MCFD2: variants seen among roughly 807,000 people sequenced by gnomAD.
The protein encoded by MCFD2 is multiple coagulation factor deficiency 2, ER cargo receptor complex subunit, also known as multiple coagulation factor deficiency protein 2.
Under a neutral mutation model 12.8 loss-of-function variants are expected in MCFD2, and 11 were observed. The ratio of observed to expected loss-of-function variants is 0.86; its 90% CI spans 0.54 to 1.42. MCFD2 has a LOEUF of 1.42. Among genes scored for constraint, MCFD2 ranks in the 40% most tolerant of loss-of-function variants. The pLI is 0.00. For missense variants in MCFD2, 191 were observed against 178.6 expected, an observed-to-expected ratio of 1.07 and a Z score of -0.40; for synonymous variants, 70 against 68.1, an observed-to-expected ratio of 1.03 and a Z score of -0.14.
At chr2:46,933,645 A>G (rs1028166016) in intron 1 of MCFD2, among the ~76,000 whole-genome samples, 2 of 152,200 alleles carry the variant, frequency 1.3e-5, no homozygotes, top group African/African-American at 4.8e-5. Context: ...GTAATGAGTA[A>G]AAGTTGATTT....
In MCFD2 at chr2:46,904,281, C is replaced by T. The variant is rs1274903930; in HGVS notation, c.*1182G>A. ...GCAGAAGGGAAATGTGGTGTGGGAG[C>T]CCCCACACAGAGTCCCTACTGGGGC... is the stretch of plus-strand genomic sequence containing the variant. On this transcript the variant is annotated 3_prime_UTR_variant, in exon 4 of 4. Transcript: ENST00000319466. 6.6e-6 allele frequency: 1 copy of T among 152,316 alleles called. No individual in the cohort carries two copies. Among genetic ancestry groups the T allele is most frequent in the African/African-American group, 2.4e-5 (1 of 41,446 alleles). The allele number at this position is 152,316 out of a possible 1,614,324, so 9.4% of individuals were successfully genotyped here.
At position 46,902,103 on chromosome 2, in the gene MCFD2, C is replaced by A. The variant is rs1668037097; in HGVS notation, c.*3360G>T. The A allele has an allele frequency of 6.6e-6, 1 of 152,640 alleles. No individual in the cohort carries two copies. Among genetic ancestry groups the A allele is most frequent in the African/African-American group, 2.4e-5 (1 of 41,456 alleles). 9.5% of individuals were successfully genotyped at this position (152,640 alleles called of 1,614,324 possible). A position where few individuals can be genotyped will look rare whatever the true frequency, so the allele number is the denominator to read the frequency against. ...TTGTAGTCTCTTTTTCCCATTCAATCATCGTTTCAGGTTTTCTATTACAGA... is the reference window on the plus strand; with the variant it reads ...TTGTAGTCTCTTTTTCCCATTCAATAATCGTTTCAGGTTTTCTATTACAGA... On this transcript the variant is annotated 3_prime_UTR_variant, in exon 4 of 4. Transcript: ENST00000319466.
At chr2:46,917,092 T>G, upstream of MCFD2, 1 of 685,710 alleles carries the variant, frequency 1.5e-6, no homozygotes, top group South Asian at 1.6e-5. Context: ...GACGGTCTCA[T>G]TCCTTTTCCC....
At chr2:46,916,852 C>T (rs1239326317), upstream of MCFD2, among the ~76,000 whole-genome samples, 1 of 152,092 alleles carries the variant, frequency 6.6e-6, no homozygotes, top group South Asian at 2.1e-4. Context: ...CCAGGCTGGT[C>T]TCTAACTGCT....
In MCFD2 at chr2:46,907,552, T is replaced by C; in HGVS notation, c.309+258A>G. Reference sequence around the variant, plus strand: ...GGCATGCACTACCAGGCCTGGCTAATTTTTTAATTTTTGTTTTGTTTGTTT... The same window carrying C: ...GGCATGCACTACCAGGCCTGGCTAACTTTTTAATTTTTGTTTTGTTTGTTT... On this transcript the variant is annotated intron_variant, in intron 3 of 3. Transcript: ENST00000319466. The surrounding 1 kb of genome is among the most constrained non-coding windows in gnomAD (Gnocchi z 4.1). The C allele has an allele frequency of 2.2e-6, 1 of 463,462 alleles. No homozygotes were observed. Among genetic ancestry groups the C allele is most frequent in the Non-Finnish European group, 4.0e-6 (1 of 250,958 alleles). 28.7% of individuals were successfully genotyped at this position (463,462 alleles called of 1,614,324 possible). A position where few individuals can be genotyped will look rare whatever the true frequency, so the allele number is the denominator to read the frequency against.
intron 1 of MCFD2, among the ~76,000 whole-genome samples, chr2:46,939,352 C>T (rs1238194656): frequency 1.3e-5 from 2 of 152,102 alleles, no homozygotes; most frequent in African/African-American, 2.4e-5. Context: ...TTTTTTTACA[C>T]CCCTGAGAAA....
intron 1 of MCFD2, among the ~76,000 whole-genome samples, chr2:46,932,035 T>C (rs1362291465): frequency 6.6e-6 from 1 of 152,188 alleles, no homozygotes; most frequent in Non-Finnish European, 1.5e-5. Flanking sequence ...CAAAGAAGTA[T>C]TCGTAAAATT....
chr2:46,905,755 C>T (rs990952713), intron 3 of MCFD2, 161 bp from the exon 4 acceptor site: 9 of 735,932 alleles, frequency 1.2e-5, no homozygotes, highest in Admixed American at 1.0e-4. Context: ...TCATATGTGT[C>T]CAAAAACTTT....
Position 46,907,908 on chromosome 2 carries a change from C to A in MCFD2, c.211G>T (p.Glu71Ter). 1 of 1,614,192 alleles carries A rather than the reference C, an allele frequency of 6.2e-7. No individual in the cohort carries two copies. The highest frequency in any genetic ancestry group is 8.5e-7 in the Non-Finnish European group (1 of 1,180,026). ...NKPEAEMSPQELQLHYFKMHD... is the reference protein window; with the variant it reads ...NKPEAEMSPQ ...ATTTTGAAGTAATGGAGCTGCAATT[C>A]TTGTGGCGACATCTCCGCCTCTGGT... Residue 71 changes from glutamate to a stop codon, truncating the protein, a stop_gained, in exon 3 of 4, where the codon GAA becomes TAA. Coordinates refer to ENST00000319466, the MANE Select transcript of MCFD2 (RefSeq NM_139279.6). LOFTEE classifies it high-confidence loss of function. This position sits in a 1 kb window ranked among gnomAD's most constrained non-coding sequence, Gnocchi z 4.1.
chr2:46,927,884 GTTTTTT>G (rs566447236), intron 1 of MCFD2, among the ~76,000 whole-genome samples: 1 of 73,304 alleles, frequency 1.4e-5, no homozygotes, highest in African/African-American at 5.9e-5. Context: ...TTTTTTTGGT[GTTTTTT>G]TTTTTTTTTT....
chr2:46,929,164 A>C (rs1389852722), intron 1 of MCFD2, among the ~76,000 whole-genome samples: 2 of 151,184 alleles, frequency 1.3e-5, no homozygotes, highest in Non-Finnish European at 2.9e-5. Flanking sequence ...ACTCTGTCCC[A>C]AAAAAAGAAA....
At chr2:46,919,767 C>T (rs753960397), upstream of MCFD2, among the ~76,000 whole-genome samples, 109 of 152,148 alleles carry the variant, frequency 7.2e-4, no homozygotes, top group Non-Finnish European at 9.7e-4. Flanking sequence ...AACAAGGGTG[C>T]GGCTTCCAGA....
rs2103875028 is a variant in MCFD2, at chr2:46,940,194, C to CA, written c.-8+1377dup. 6.6e-6 allele frequency among the ~76,000 whole-genome samples: 1 copy of CA among 152,258 alleles called. No homozygotes were observed. Among genetic ancestry groups the CA allele is most frequent in the South Asian group, 2.1e-4 (1 of 4,828 alleles). ...TCCCTCGGTTACAGTTGTCCAAAAA[C>CA]ACTTAGGGCAGTGGTGAAGACTCCA... On this transcript the variant is annotated intron_variant, in intron 1 of 2. Transcript: ENST00000409147. The surrounding 1 kb of genome is among the most constrained non-coding windows in gnomAD (Gnocchi z 4.7).
chr2:46,920,100 T>C (rs1313307629), upstream of MCFD2, among the ~76,000 whole-genome samples: 1 of 152,230 alleles, frequency 6.6e-6, no homozygotes, highest in East Asian at 1.9e-4. Flanking sequence ...TCCCTGACTT[T>C]ATCAAAGCAC....
At chr2:46,922,689 A>C (rs1286628307) in intron 1 of MCFD2, among the ~76,000 whole-genome samples, 1 of 151,872 alleles carries the variant, frequency 6.6e-6, no homozygotes, top group Non-Finnish European at 1.5e-5. Flanking sequence ...CCATTCTCTC[A>C]CTCAACAACA....
At chr2:46,910,702 C>T (rs900440573) in intron 1 of MCFD2, 14 of 152,162 alleles carry the variant, frequency 9.2e-5, no homozygotes, top group African/African-American at 3.1e-4. Context: ...TATTGCTTCC[C>T]ATGGCCCCCT....
In MCFD2 at chr2:46,903,244, C is replaced by G. The variant is rs1304606178; in HGVS notation, c.*2219G>C. 1.3e-5 allele frequency: 2 copies of G among 156,136 alleles called. No individual in the cohort carries two copies. The highest frequency in any genetic ancestry group is 4.8e-5 in the African/African-American group (2 of 41,522). 9.7% of individuals were successfully genotyped at this position (156,136 alleles called of 1,614,324 possible). A position where few individuals can be genotyped will look rare whatever the true frequency, so the allele number is the denominator to read the frequency against. ...GTAAGAAGTGTCTTTTGCCTCCCAC[C>G]ATGATTCTGAGGCCTCCCCAGCCAT... On this transcript the variant is annotated 3_prime_UTR_variant, in exon 4 of 4. Coordinates refer to ENST00000319466, the MANE Select transcript of MCFD2 (RefSeq NM_139279.6).
In MCFD2 at chr2:46,937,154, C is replaced by A. The variant is rs57491088; in HGVS notation, c.-8+4418G>T. 3.5e-3 allele frequency among the ~76,000 whole-genome samples: 532 copies of A among 152,216 alleles called. 19 individuals are homozygous for A. In the East Asian group the frequency reaches 0.085, roughly 24 times the overall value. On this transcript the variant is annotated intron_variant, in intron 1 of 2. Transcript: ENST00000409147. This position sits in a 1 kb window ranked among gnomAD's most constrained non-coding sequence, Gnocchi z 4.0. ...TACAGGAGTGAGCCACCATGCCCAA[C>A]CCCAAAAATTACTTCCTTAACAGAT...
chr2:46,941,389 C>T lies in MCFD2; in HGVS notation c.-8+183G>A, dbSNP rs1670354577. The T allele has an allele frequency of 1.5e-5, 9 of 594,882 alleles. No homozygotes were observed. The highest frequency in any genetic ancestry group is 2.0e-5 in the African/African-American group (1 of 50,528). 36.9% of individuals were successfully genotyped at this position (594,882 alleles called of 1,614,324 possible). A position where few individuals can be genotyped will look rare whatever the true frequency, so the allele number is the denominator to read the frequency against. The stretch of plus-strand genomic sequence containing the variant: ...GTGCTGCTGCTGCTGCTGCTGCCCA[C>T]CCTCCGCCGCCCGGGCCCCCGCTGC... On this transcript the variant is annotated intron_variant, in intron 1 of 2. Coordinates refer to the MCFD2 transcript ENST00000409147. The surrounding 1 kb of genome is among the most constrained non-coding windows in gnomAD (Gnocchi z 4.2).
Sources: allele counts gnomAD v4.1 joint callset (sites outside exome capture counted in the v4.1 genomes callset), GRCh38; gene constraint gnomAD v4.1.1; non-coding constraint Gnocchi (gnomAD v3.1); transcripts MANE v1.5; gene names NCBI Gene and HGNC (gene_info 2026-07-23, HGNC 2026-07-21).